C3orf33: variants seen among roughly 807,000 people sequenced by gnomAD.
C3orf33 encodes AP-1 activity suppressor.
Under a neutral mutation model 28.7 loss-of-function variants are expected in C3orf33, and 23 were observed. The ratio of observed to expected loss-of-function variants is 0.80; its 90% CI spans 0.58 to 1.13. The LOEUF is 1.13. Ranked by LOEUF, C3orf33 falls within the 50% of genes most tolerant of loss-of-function variation. C3orf33 has a pLI of 0.00. For missense variants in C3orf33, 327 were observed against 353.4 expected, an observed-to-expected ratio of 0.93 and a Z score of 0.60; for synonymous variants, 119 against 120.5, an observed-to-expected ratio of 0.99 and a Z score of 0.08.
At chr3:155,782,688 G>A (rs1750963024) in intron 2 of C3orf33, among the ~76,000 whole-genome samples, 1 of 152,152 alleles carries the variant, frequency 6.6e-6, no homozygotes. Context: ...GACATTTCCG[G>A]ATAAATACAA....
chr3:155,793,161 C>T (rs1180541870), intron 2 of C3orf33, among the ~76,000 whole-genome samples: 4 of 149,928 alleles, frequency 2.7e-5, no homozygotes, highest in East Asian at 3.9e-4. Context: ...ACAAGCCAGG[C>T]GAGAGTGACA....
intron 2 of C3orf33, among the ~76,000 whole-genome samples, chr3:155,783,899 GTTTT>G (rs536559024): frequency 6.6e-4 from 100 of 150,872 alleles, no homozygotes; most frequent in Non-Finnish European, 1.2e-3. Flanking sequence ...TAGTTTATGG[GTTTT>G]TTTGTTTTGT....
chr3:155,768,606 A>C (rs1376256315), intron 3 of C3orf33, among the ~76,000 whole-genome samples: 1 of 152,168 alleles, frequency 6.6e-6, no homozygotes, highest in Non-Finnish European at 1.5e-5. Context: ...AAAAAAACTT[A>C]ATGTCTTTAA....
At chr3:155,804,276 T>C in intron 1 of C3orf33, 1 of 323,012 alleles carries the variant, frequency 3.1e-6, no homozygotes. Context: ...ATGTTCTAAT[T>C]TACACAACTT....
At chr3:155,801,042 T>C (rs1441081744) in intron 2 of C3orf33, among the ~76,000 whole-genome samples, 1 of 152,036 alleles carries the variant, frequency 6.6e-6, no homozygotes, top group Non-Finnish European at 1.5e-5. Flanking sequence ...AAATTAAAAA[T>C]AGGACGGGTG....
intron 1 of C3orf33, chr3:155,805,607 A>C (rs908544966): frequency 1.1e-5 from 5 of 454,348 alleles, no homozygotes; most frequent in Non-Finnish European, 2.2e-5. Flanking sequence ...CTGTGGTTCC[A>C]GCTACTCGGG....
At chr3:155,799,643 C>T (rs1210061981) in intron 2 of C3orf33, among the ~76,000 whole-genome samples, 1 of 152,108 alleles carries the variant, frequency 6.6e-6, no homozygotes, top group Non-Finnish European at 1.5e-5. Flanking sequence ...GAGTCATGAT[C>T]ACACCACTGC....
chr3:155,803,066 T>C (rs543606697), intron 1 of C3orf33, among the ~76,000 whole-genome samples: 13 of 152,144 alleles, frequency 8.5e-5, no homozygotes, highest in Non-Finnish European at 1.9e-4. Context: ...AAGTATTTAG[T>C]AGAAAATTTT....
At chr3:155,776,503 G>A (rs1028911018) in intron 2 of C3orf33, among the ~76,000 whole-genome samples, 2 of 152,052 alleles carry the variant, frequency 1.3e-5, no homozygotes, top group Admixed American at 6.6e-5. Context: ...AGAAGGAAAA[G>A]CCAGGCACGA....
chr3:155,789,215 G>C (rs9812038), intron 2 of C3orf33, among the ~76,000 whole-genome samples: 2 of 151,842 alleles, frequency 1.3e-5, no homozygotes, highest in Non-Finnish European at 2.9e-5. Context: ...CGTGGTGGCA[G>C]GCGCTTGTAA....
At chr3:155,799,250 C>T (rs753423428) in intron 2 of C3orf33, among the ~76,000 whole-genome samples, 7 of 152,184 alleles carry the variant, frequency 4.6e-5, no homozygotes, top group African/African-American at 1.7e-4. Context: ...ACCATATGAT[C>T]CAGCAATTCC....
At chr3:155,781,170 T>G (rs1021057106) in intron 2 of C3orf33, among the ~76,000 whole-genome samples, 4 of 150,752 alleles carry the variant, frequency 2.7e-5, no homozygotes, top group Admixed American at 2.6e-4. Flanking sequence ...GCTAATTTTT[T>G]TTTTTGTATT....
rs543195717 is a variant in C3orf33 at position 155,784,017 on chromosome 3, C to T, written c.175-8169G>A. Among the ~76,000 whole-genome samples, 35 of 151,520 alleles carry T rather than the reference C, an allele frequency of 2.3e-4. 1 individual carries two copies. In the South Asian group the frequency reaches 6.3e-3, roughly 27 times the overall value. Reference sequence around the variant, plus strand: ...CACAGTCTTGGCTCACCACAACCTCCGCCTCCCGGGTTCAACCGATTCTCC... The same window carrying T: ...CACAGTCTTGGCTCACCACAACCTCTGCCTCCCGGGTTCAACCGATTCTCC... On this transcript the variant is annotated intron_variant, in intron 2 of 4. Coordinates refer to ENST00000340171, the MANE Select transcript of C3orf33 (RefSeq NM_001308229.2).
At chr3:155,785,823 G>A (rs541860194) in intron 2 of C3orf33, among the ~76,000 whole-genome samples, 1 of 152,242 alleles carries the variant, frequency 6.6e-6, no homozygotes, top group Admixed American at 6.5e-5. Flanking sequence ...CAGATCACTT[G>A]AGCTCAGGAG....
intron 2 of C3orf33, among the ~76,000 whole-genome samples, chr3:155,776,052 A>C (rs1164380837): frequency 2.6e-5 from 4 of 152,236 alleles, no homozygotes; most frequent in African/African-American, 9.6e-5. Context: ...CACCATTTTC[A>C]AGCCAACCAC....
At chr3:155,788,232 T>G (rs1751197985) in intron 2 of C3orf33, among the ~76,000 whole-genome samples, 1 of 148,404 alleles carries the variant, frequency 6.7e-6, no homozygotes. Context: ...GATCAACCAG[T>G]ATAATACACT....
At chr3:155,805,090 ACCCTCTCTTGCCTGGTGGCCTAACATGT>A (rs1751769817) in intron 1 of C3orf33, among the ~76,000 whole-genome samples, 1 of 150,830 alleles carries the variant, frequency 6.6e-6, no homozygotes, top group Middle Eastern at 3.2e-3. Flanking sequence ...CTTAGCCACA[ACCCTCTCTTGCCTGGTGGCCTAACATGT>A]CCCTCTCTTG....
intron 2 of C3orf33, among the ~76,000 whole-genome samples, chr3:155,799,536 A>G (rs1390726722): frequency 6.6e-6 from 1 of 152,120 alleles, no homozygotes; most frequent in Non-Finnish European, 1.5e-5. Flanking sequence ...AAAAAGTACA[A>G]AAATTAGCTG....
chr3:155,782,991 A>G (rs1023016133), intron 2 of C3orf33, among the ~76,000 whole-genome samples: 2 of 152,162 alleles, frequency 1.3e-5, no homozygotes, highest in African/African-American at 4.8e-5. Flanking sequence ...CCAACCTGAC[A>G]CCAAAAGTGG....
Sources: allele counts gnomAD v4.1 joint callset (sites outside exome capture counted in the v4.1 genomes callset), GRCh38; gene constraint gnomAD v4.1.1; transcripts MANE v1.5; gene names NCBI Gene and HGNC (gene_info 2026-07-23, HGNC 2026-07-21).